LUZP4: variants seen among roughly 807,000 people sequenced by gnomAD.
The protein encoded by LUZP4 is HOM-TES-85 tumor antigen.
LUZP4 carries 11 observed loss-of-function variants against 8.5 expected under a neutral mutation model. The observed-to-expected ratio is 1.30, with a 90% CI of 0.82 to 2.14. LUZP4 has a LOEUF of 2.14. Among genes scored for constraint, LUZP4 ranks in the 30% most tolerant of loss-of-function variants. The pLI, the probability that LUZP4 is intolerant of heterozygous loss-of-function variation, is 0.00. For missense variants in LUZP4, 276 were observed against 229.7 expected (o/e 1.20, Z -1.30); for synonymous variants, 104 against 79.4 (o/e 1.31, Z -1.65).
At position 115,307,392 on chromosome X, in the gene LUZP4, A is replaced by G. The variant is rs1471971724; in HGVS notation, c.*588A>G. 1 of 114,066 alleles carries G rather than the reference A, an allele frequency of 8.8e-6. No individual in the cohort carries two copies. The highest frequency in any genetic ancestry group is 2.7e-4 in the East Asian group (1 of 3,642). The allele number at this position is 114,066 out of a possible 1,213,427, so 9.4% of individuals were successfully genotyped here. On this transcript the variant is annotated 3_prime_UTR_variant, in exon 4 of 4. Transcript: ENST00000371920. ...TGCTAACCTTCTGAATATATTTTGA[A>G]TACATTTATATATTCACTGTTGCCT... is the stretch of plus-strand genomic sequence containing the variant.
chrX:115,290,345 G>A (rs2073343554), intron 1 of LUZP4, among the ~76,000 whole-genome samples: 1 of 110,743 alleles, frequency 9.0e-6, no homozygotes, highest in South Asian at 3.9e-4. Context: ...AGGAGTTGTT[G>A]GTGGGTTGGT....
chrX:115,306,728 ATCAG>A lies in LUZP4; in HGVS notation c.871_874del (p.Ser291GlyfsTer20), dbSNP rs1435738731. ...GTGGCCACTGAGAGAGATCTCATAA[ATCAG>A]TCAGGGAGATCTCATGGCCAATCAG... On this transcript the variant is annotated frameshift_variant, in exon 4 of 4. Coordinates refer to ENST00000371920, the MANE Select transcript of LUZP4 (RefSeq NM_016383.5). LOFTEE classifies it low-confidence loss of function (END_TRUNC). 6 of 1,195,742 alleles carry A rather than the reference ATCAG, an allele frequency of 5.0e-6. No homozygotes were observed. The African/African-American group carries it at 5.3e-5, about 11-fold the overall frequency.
In LUZP4 at chrX:115,307,006, G is replaced by A. The variant is rs2073426720; in HGVS notation, c.*202G>A. 4.6e-6 allele frequency: 2 copies of A among 433,115 alleles called. No homozygotes were observed. The highest frequency in any genetic ancestry group is 7.9e-6 in the Non-Finnish European group (2 of 254,466). The allele number at this position is 433,115 out of a possible 1,213,427, so 35.7% of individuals were successfully genotyped here. A position where few individuals can be genotyped will look rare whatever the true frequency, so the allele number is the denominator to read the frequency against. Reference sequence around the variant, plus strand: ...CCAGTTACCCAGGATGTCCCATTAAGTTGTTCCCGGTAGGTCTGCTTTCCC... The same window carrying A: ...CCAGTTACCCAGGATGTCCCATTAAATTGTTCCCGGTAGGTCTGCTTTCCC... On this transcript the variant is annotated 3_prime_UTR_variant, in exon 4 of 4. Transcript: ENST00000371920.
At chrX:115,303,196 A>T (rs182424666) in intron 2 of LUZP4, 104 bp from the exon 3 acceptor site, 1 of 431,629 alleles carries the variant, frequency 2.3e-6, no homozygotes, top group African/African-American at 2.5e-5. Flanking sequence ...AAAGTTTTGC[A>T]AAACCCAGTG....
In LUZP4 at chrX:115,306,619, A is replaced by T. The variant is rs1556604259; in HGVS notation, c.757A>T (p.Ile253Leu). The T allele has an allele frequency of 8.3e-7, 1 of 1,207,632 alleles. No individual in the cohort carries two copies. Among genetic ancestry groups the T allele is most frequent in the Non-Finnish European group, 1.1e-6 (1 of 894,621 alleles). ...SDLIATQRDL[I>L]ATQKDLIATQ... Reference sequence around the variant, plus strand: ...TCTCATAGCCACTCAGAGAGATCTCATAGCCACTCAGAAAGATCTCATAGC... The same window carrying T: ...TCTCATAGCCACTCAGAGAGATCTCTTAGCCACTCAGAAAGATCTCATAGC... Residue 253 changes from isoleucine to leucine, a missense_variant, in exon 4 of 4, where the codon ATA (isoleucine) becomes TTA (leucine). Transcript: ENST00000371920.
In LUZP4 at chrX:115,306,527, CAGAG is replaced by C. The variant is rs781961059; in HGVS notation, c.669_672del (p.Glu223AspfsTer23). The C allele has an allele frequency of 3.3e-5, 40 of 1,209,827 alleles. No homozygotes were observed. The highest frequency in any genetic ancestry group is 3.2e-4 in the South Asian group (18 of 56,854). Reference sequence around the variant, plus strand: ...CACTCAGAGAGATCTCATGGTCACTCAGAGAGATCTCATGGTCACTCAAAGAGAT... The same window carrying C: ...CACTCAGAGAGATCTCATGGTCACTCAGATCTCATGGTCACTCAAAGAGAT... On this transcript the variant is annotated frameshift_variant, in exon 4 of 4. Coordinates refer to ENST00000371920, the MANE Select transcript of LUZP4 (RefSeq NM_016383.5). LOFTEE classifies it low-confidence loss of function (END_TRUNC).
At chrX:115,302,210 T>C (rs782605388) in intron 2 of LUZP4, 87 bp downstream of exon 2, 1 of 882,914 alleles carries the variant, frequency 1.1e-6, no homozygotes, top group East Asian at 3.6e-5. Flanking sequence ...GAATTCACAA[T>C]ATTGTTCTAA....
intron 2 of LUZP4, among the ~76,000 whole-genome samples, chrX:115,303,061 C>A (rs1007951843): frequency 9.0e-6 from 1 of 111,018 alleles, no homozygotes; most frequent in Non-Finnish European, 1.9e-5. Context: ...GCATATGAAA[C>A]CAAAATTGAC....
intron 3 of LUZP4, 115 bp from the exon 4 acceptor site, chrX:115,306,090 A>G: frequency 1.3e-6 from 1 of 766,134 alleles, no homozygotes; most frequent in Admixed American, 3.2e-5. Flanking sequence ...AAGTAAGCAC[A>G]GTGGAATTCT....
At chrX:115,297,394 G>A (rs1174644568) in intron 1 of LUZP4, among the ~76,000 whole-genome samples, 2 of 111,934 alleles carry the variant, frequency 1.8e-5, no homozygotes, top group Non-Finnish European at 3.8e-5. Flanking sequence ...ACTCATTAAT[G>A]TCTTTTCTTT....
At position 115,306,655 on chromosome X, in the gene LUZP4, G is replaced by T; in HGVS notation, c.793G>T (p.Asp265Tyr). The change falls in exon 4 of 4, where the codon GAT becomes TAT. Residue 265 changes from aspartate to tyrosine, a missense_variant. Physicochemically the swap from Asp to Tyr is radical, Grantham distance 160 (BLOSUM62 -3). Coordinates refer to ENST00000371920, the MANE Select transcript of LUZP4 (RefSeq NM_016383.5). ...GAAAGATCTCATAGCCACTCAGAGA[G>T]ATCTCATAGCCACTCAGAGAGATCT... is the stretch of plus-strand genomic sequence containing the variant. ...TQKDLIATQR[D>Y]LIATQRDLIV... 8.3e-7 allele frequency: 1 copy of T among 1,211,145 alleles called. No homozygotes were observed. Among genetic ancestry groups the T allele is most frequent in the Non-Finnish European group, 1.1e-6 (1 of 895,412 alleles).
chrX:115,306,756 A>G lies in LUZP4; in HGVS notation c.894A>G (p.Ser298=), dbSNP rs1177155645. The part of the protein sequence containing the change: ...INQSGRSHGQ[S]ERHQRYSTGK... The stretch of plus-strand genomic sequence containing the variant: ...AGTCAGGGAGATCTCATGGCCAATC[A>G]GAAAGACATCAGAGATACTCAACAG... The change falls in exon 4 of 4, where the codon TCA becomes TCG. Residue 298 remains serine, a synonymous_variant. Transcript: ENST00000371920. The G allele has an allele frequency of 1.7e-6, 2 of 1,208,072 alleles. No homozygotes were observed. The highest frequency in any genetic ancestry group is 3.5e-5 in the African/African-American group (2 of 57,216).
intron 1 of LUZP4, among the ~76,000 whole-genome samples, chrX:115,299,787 T>C (rs191307325): frequency 2.8e-3 from 309 of 111,525 alleles, no homozygotes; most frequent in African/African-American, 9.7e-3. Flanking sequence ...TCTACCCTTC[T>C]GTAGCTGTGC....
chrX:115,296,796 A>G (rs5946312), intron 1 of LUZP4, among the ~76,000 whole-genome samples: 39 of 112,018 alleles, frequency 3.5e-4, no homozygotes, highest in Middle Eastern at 9.1e-3. Context: ...AAACCTTGCA[A>G]CACATTCCAA....
At position 115,307,403 on chromosome X, in the gene LUZP4, T is replaced by A. The variant is rs782179857; in HGVS notation, c.*599T>A. 1 of 113,833 alleles carries A rather than the reference T, an allele frequency of 8.8e-6. No individual in the cohort carries two copies. The highest frequency in any genetic ancestry group is 3.6e-4 in the South Asian group (1 of 2,785). The allele number at this position is 113,833 out of a possible 1,213,427, so 9.4% of individuals were successfully genotyped here. A position where few individuals can be genotyped will look rare whatever the true frequency, so the allele number is the denominator to read the frequency against. On this transcript the variant is annotated 3_prime_UTR_variant, in exon 4 of 4. Coordinates refer to ENST00000371920, the MANE Select transcript of LUZP4 (RefSeq NM_016383.5). The stretch of plus-strand genomic sequence containing the variant: ...TGAATATATTTTGAATACATTTATA[T>A]ATTCACTGTTGCCTTATAAAACTGT...
chrX:115,292,995 G>T lies in LUZP4; in HGVS notation c.91+3145G>T, dbSNP rs980017281. Among the ~76,000 whole-genome samples, 5 of 110,821 alleles carry T rather than the reference G, an allele frequency of 4.5e-5. No homozygotes were observed. In the Admixed American group the frequency reaches 4.8e-4, roughly 11 times the overall value. Reference sequence around the variant, plus strand: ...ATCACAAGTTCTGAAATATTTTGTGGCATTAAAATGACTTTAAAAATAATA... The same window carrying T: ...ATCACAAGTTCTGAAATATTTTGTGTCATTAAAATGACTTTAAAAATAATA... On this transcript the variant is annotated intron_variant, in intron 1 of 3. Coordinates refer to ENST00000371920, the MANE Select transcript of LUZP4 (RefSeq NM_016383.5).
At chrX:115,306,159 T>C (rs1556603646) in intron 3 of LUZP4, 46 bp from the exon 4 acceptor site, 1 of 1,145,039 alleles carries the variant, frequency 8.7e-7, no homozygotes, top group East Asian at 3.0e-5. Flanking sequence ...ACTTAAATCA[T>C]GAAGTATATG....
At chrX:115,291,740 G>C (rs1489355840) in intron 1 of LUZP4, among the ~76,000 whole-genome samples, 2 of 110,163 alleles carry the variant, frequency 1.8e-5, no homozygotes, top group Non-Finnish European at 3.8e-5. Flanking sequence ...TGGCCAACAT[G>C]GTGAAACCCC....
rs1556604227 is a variant in LUZP4 at position 115,306,606 on chromosome X, T to C, written c.744T>C (p.Thr248=). ...ACACTCAGAGTGATCTCATAGCCACTCAGAGAGATCTCATAGCCACTCAGA... is the reference window on the plus strand; with the variant it reads ...ACACTCAGAGTGATCTCATAGCCACCCAGAGAGATCTCATAGCCACTCAGA... The part of the protein sequence containing the change: ...LVDTQSDLIA[T]QRDLIATQKD... Residue 248 remains threonine, a synonymous_variant, in exon 4 of 4, where the codon ACT becomes ACC. Coordinates refer to ENST00000371920, the MANE Select transcript of LUZP4 (RefSeq NM_016383.5). 1 of 1,206,713 alleles carries C rather than the reference T, an allele frequency of 8.3e-7. No homozygotes were observed.
Sources: allele counts gnomAD v4.1 joint callset (sites outside exome capture counted in the v4.1 genomes callset), GRCh38; gene constraint gnomAD v4.1.1; transcripts MANE v1.5; gene names NCBI Gene and HGNC (gene_info 2026-07-23, HGNC 2026-07-21).